Variants in GSG1L observed in about 807,000 individuals in gnomAD.
GSG1L encodes the protein GSG1 like.
In GSG1L, 24 loss-of-function variants were observed where a neutral mutation model predicts 42.1. That is an observed-to-expected ratio of 0.57 (90% CI 0.41 to 0.80). GSG1L has a LOEUF of 0.80. Ranked by LOEUF, GSG1L falls within the 30% of genes least tolerant of loss-of-function variation. The pLI is 0.00. For missense variants in GSG1L, 445 were observed against 472.2 expected, an observed-to-expected ratio of 0.94 and a Z score of 0.53; for synonymous variants, 215 against 203.5, an observed-to-expected ratio of 1.06 and a Z score of -0.48.
intron 1 of GSG1L, among the ~76,000 whole-genome samples, chr16:28,014,664 T>A (rs2085760232): frequency 2.7e-5 from 4 of 145,698 alleles, no homozygotes; most frequent in South Asian, 2.3e-4. Flanking sequence ...ATTTTTTTTT[T>A]TTTTTTTTTT....
intron 1 of GSG1L, among the ~76,000 whole-genome samples, chr16:27,977,860 C>T (rs2085269034): frequency 6.6e-6 from 1 of 152,154 alleles, no homozygotes; most frequent in Non-Finnish European, 1.5e-5. Flanking sequence ...GTGTGTCCAC[C>T]GTTCAGAAAA....
At chr16:27,913,612 C>T (rs2084416907) in intron 2 of GSG1L, among the ~76,000 whole-genome samples, 1 of 152,138 alleles carries the variant, frequency 6.6e-6, no homozygotes. Context: ...TATTGGAATA[C>T]AGACAAATAA....
intron 2 of GSG1L, among the ~76,000 whole-genome samples, chr16:27,938,056 T>G (rs1335195015): frequency 6.6e-6 from 1 of 152,098 alleles, no homozygotes; most frequent in Admixed American, 6.5e-5. Flanking sequence ...AGATTCTGAT[T>G]GGTCCAGTTG....
chr16:27,993,162 T>C (rs138848693), intron 1 of GSG1L, among the ~76,000 whole-genome samples: 3 of 152,212 alleles, frequency 2.0e-5, no homozygotes, highest in African/African-American at 7.2e-5. Context: ...TTTGTTGTTG[T>C]TGTTGAGACA....
In GSG1L at chr16:28,009,451, G is replaced by A. The variant is rs2085688160; in HGVS notation, c.350-46248C>T. On this transcript the variant is annotated intron_variant, in intron 1 of 6. Transcript: ENST00000447459. ...TGCCTGTGGGAACACATGCATTTGT[G>A]TGTGTGCTCACCTGATTCCTCACTG... Among the ~76,000 whole-genome samples the A allele has an allele frequency of 2.0e-5, 3 of 152,124 alleles. No individual in the cohort carries two copies. The South Asian group carries it at 6.2e-4, about 31-fold the overall frequency.
At chr16:27,843,978 G>A (rs1170498090) in intron 4 of GSG1L, among the ~76,000 whole-genome samples, 1 of 152,182 alleles carries the variant, frequency 6.6e-6, no homozygotes, top group Non-Finnish European at 1.5e-5. Context: ...CAACAGGGAA[G>A]CCAGCCCAGC....
intron 5 of GSG1L, among the ~76,000 whole-genome samples, chr16:27,824,987 T>C (rs1376996929): frequency 6.6e-6 from 1 of 152,228 alleles, no homozygotes; most frequent in Non-Finnish European, 1.5e-5. Flanking sequence ...ATCCACAGCC[T>C]GGGACGAGAT....
chr16:27,815,825 A>T (rs74350351), intron 5 of GSG1L, among the ~76,000 whole-genome samples: 121 of 152,292 alleles, frequency 7.9e-4, no homozygotes, highest in African/African-American at 2.8e-3. Flanking sequence ...AACAAAAAAA[A>T]TTATCCAGGT....
At chr16:27,940,556 A>G (rs992346994) in intron 2 of GSG1L, among the ~76,000 whole-genome samples, 1 of 110,692 alleles carries the variant, frequency 9.0e-6, no homozygotes, top group African/African-American at 2.9e-5. Flanking sequence ...CTTTGTAGGG[A>G]CATGGATGAA....
At chr16:27,843,351 G>T (rs2083408692) in intron 4 of GSG1L, among the ~76,000 whole-genome samples, 1 of 152,012 alleles carries the variant, frequency 6.6e-6, no homozygotes. Flanking sequence ...CATTGGTTCA[G>T]GTTTGGTCAC....
chr16:28,051,207 A>G (rs1437870450), intron 1 of GSG1L, among the ~76,000 whole-genome samples: 4 of 152,170 alleles, frequency 2.6e-5, no homozygotes, highest in African/African-American at 9.7e-5. Flanking sequence ...TTTTTTGAAT[A>G]ACAGCTATTC....
chr16:27,980,116 G>C (rs2085309857), intron 1 of GSG1L, among the ~76,000 whole-genome samples: 2 of 152,264 alleles, frequency 1.3e-5, no homozygotes, highest in East Asian at 3.9e-4. Context: ...ACCTGGCAGG[G>C]CCACAGGCAA....
chr16:27,855,541 G>A (rs1245983000), intron 3 of GSG1L, among the ~76,000 whole-genome samples: 5 of 152,000 alleles, frequency 3.3e-5, no homozygotes, highest in Non-Finnish European at 7.4e-5. Flanking sequence ...ACAACATGGT[G>A]AAACCCCATC....
At chr16:27,987,528 T>A (rs2085398598) in intron 1 of GSG1L, among the ~76,000 whole-genome samples, 1 of 152,236 alleles carries the variant, frequency 6.6e-6, no homozygotes, top group South Asian at 2.1e-4. Flanking sequence ...TTCACAGCTC[T>A]GTCCTCTGCC....
intron 5 of GSG1L, among the ~76,000 whole-genome samples, chr16:27,809,572 G>A (rs1488389826): frequency 7.7e-5 from 9 of 116,954 alleles, no homozygotes; most frequent in Admixed American, 3.0e-4. Context: ...GTGAGACCCC[G>A]TCTGAGAAAA....
At chr16:27,841,655 G>A (rs2083382788) in intron 4 of GSG1L, among the ~76,000 whole-genome samples, 2 of 152,232 alleles carry the variant, frequency 1.3e-5, no homozygotes, top group African/African-American at 2.4e-5. Context: ...GATGAAAAAC[G>A]GGGCTGATCC....
intron 4 of GSG1L, among the ~76,000 whole-genome samples, chr16:27,841,967 T>A (rs928684572): frequency 6.6e-6 from 1 of 152,230 alleles, no homozygotes; most frequent in Non-Finnish European, 1.5e-5. Flanking sequence ...AACTTTCTGA[T>A]TCTCAGCATC....
intron 1 of GSG1L, among the ~76,000 whole-genome samples, chr16:28,046,956 C>T (rs1228988254): frequency 4.6e-5 from 7 of 152,196 alleles, no homozygotes; most frequent in Non-Finnish European, 7.3e-5. Flanking sequence ...CACACATGCA[C>T]ATGAGCACAA....
chr16:27,796,323 G>A (rs2082817316), intron 6 of GSG1L, among the ~76,000 whole-genome samples: 1 of 151,642 alleles, frequency 6.6e-6, no homozygotes, highest in Admixed American at 6.6e-5. Flanking sequence ...ATGAATCAGG[G>A]ATGGCGCTAA....
Sources: allele counts gnomAD v4.1 joint callset (sites outside exome capture counted in the v4.1 genomes callset), GRCh38; gene constraint gnomAD v4.1.1; transcripts MANE v1.5; gene names NCBI Gene and HGNC (gene_info 2026-07-23, HGNC 2026-07-21).